CAPSL: variants seen among roughly 807,000 people sequenced by gnomAD.
CAPSL encodes the protein calcyphosin-like protein.
CAPSL carries 17 observed loss-of-function variants against 21.3 expected under a neutral mutation model. The ratio of observed to expected loss-of-function variants is 0.80; its 90% CI spans 0.55 to 1.20. The LOEUF (loss-of-function observed/expected upper bound fraction) is 1.20, where lower values mean the gene tolerates loss of function less well. Among genes scored for constraint, CAPSL ranks in the 50% most tolerant of loss-of-function variants. CAPSL has a pLI of 0.00. For synonymous variants in CAPSL, 102 were observed against 89.3 expected (o/e 1.14, Z -0.80); for missense variants, 289 against 259.3 (o/e 1.11, Z -0.79).
rs749347216 is a variant in CAPSL at position 35,909,987 on chromosome 5, T to C, written c.404A>G (p.Asp135Gly). The part of the protein sequence containing the change: ...KTGDGVITIE[D>G]LREVYNAKHH... The stretch of plus-strand genomic sequence containing the variant: ...TTTTGCATTATATACTTCACGAAGG[T>C]CTTCGATTGTTATAACACCATCTCC... Residue 135 changes from aspartate (D) to glycine (G), a missense_variant, in exon 4 of 5, where the codon GAC becomes GGC. Coordinates refer to ENST00000651391, the MANE Select transcript of CAPSL (RefSeq NM_001042625.2). 14 of 1,613,744 alleles carry C rather than the reference T, an allele frequency of 8.7e-6. No homozygotes were observed. Among genetic ancestry groups the C allele is most frequent in the Admixed American group, 6.7e-5 (4 of 59,970 alleles).
At chr5:35,912,595 A>T (rs1738259760) in intron 2 of CAPSL, among the ~76,000 whole-genome samples, 1 of 152,204 alleles carries the variant, frequency 6.6e-6, no homozygotes, top group African/African-American at 2.4e-5. Flanking sequence ...TACCCAGGCA[A>T]ACAGGGTCTG....
chr5:35,936,240 T>C (rs1580900336), intron 1 of CAPSL, among the ~76,000 whole-genome samples: 1 of 151,982 alleles, frequency 6.6e-6, no homozygotes, highest in South Asian at 2.1e-4. Context: ...CTCCAAGAGA[T>C]TGCTGAACTT....
chr5:35,937,333 C>T (rs1480678816), intron 1 of CAPSL, among the ~76,000 whole-genome samples: 1 of 152,206 alleles, frequency 6.6e-6, no homozygotes, highest in Admixed American at 6.5e-5. Context: ...CATGCATTGG[C>T]CTTTCCTATG....
At chr5:35,937,328 A>G (rs1424395510) in intron 1 of CAPSL, among the ~76,000 whole-genome samples, 2 of 152,242 alleles carry the variant, frequency 1.3e-5, no homozygotes, top group African/African-American at 2.4e-5. Context: ...GAATTCATGC[A>G]TTGGCCTTTC....
At chr5:35,905,287 C>A (rs1413483607) in intron 4 of CAPSL, among the ~76,000 whole-genome samples, 1 of 152,144 alleles carries the variant, frequency 6.6e-6, no homozygotes, top group Admixed American at 6.5e-5. Flanking sequence ...TTTTATATTA[C>A]TTTCCTTTGG....
chr5:35,921,164 G>A (rs3734107), intron 1 of CAPSL, 44 bp from the exon 2 acceptor site: 643,749 of 1,591,884 alleles, frequency 0.4, 135,189 homozygotes, highest in African/African-American at 0.46. Context: ...AGGCCTCGCC[G>A]CTGCCTCTGG....
intron 2 of CAPSL, among the ~76,000 whole-genome samples, chr5:35,918,540 AC>A (rs775157566): frequency 1.2e-4 from 19 of 152,296 alleles, no homozygotes; most frequent in Non-Finnish European, 2.5e-4. Flanking sequence ...GCAGCAAACC[AC>A]CATGGCACAT....
intron 4 of CAPSL, among the ~76,000 whole-genome samples, chr5:35,907,721 A>T (rs538138175): frequency 6.6e-6 from 1 of 152,312 alleles, no homozygotes; most frequent in East Asian, 1.9e-4. Context: ...GAGCTATGCT[A>T]AATTTTTTGC....
chr5:35,911,579 C>T (rs1489732653), intron 2 of CAPSL, among the ~76,000 whole-genome samples: 2 of 152,070 alleles, frequency 1.3e-5, no homozygotes, highest in African/African-American at 4.8e-5. Context: ...CAACAGGATC[C>T]TAAGGAAACA....
At chr5:35,918,356 GA>G (rs1249552953) in intron 2 of CAPSL, among the ~76,000 whole-genome samples, 1 of 152,142 alleles carries the variant, frequency 6.6e-6, no homozygotes. Flanking sequence ...AGTAACACAG[GA>G]ACAGAAAACT....
chr5:35,912,467 G>A (rs1465520646), intron 2 of CAPSL, among the ~76,000 whole-genome samples: 1 of 152,128 alleles, frequency 6.6e-6, no homozygotes, highest in Non-Finnish European at 1.5e-5. Context: ...CCCCAGTAGG[G>A]GCAGACTGAC....
At chr5:35,905,231 G>A (rs564133257) in intron 4 of CAPSL, among the ~76,000 whole-genome samples, 7 of 152,286 alleles carry the variant, frequency 4.6e-5, no homozygotes, top group South Asian at 2.1e-4. Flanking sequence ...CTACACCCAT[G>A]ACCATCTCTT....
chr5:35,923,698 G>T (rs1463905080), intron 1 of CAPSL, among the ~76,000 whole-genome samples: 1 of 145,924 alleles, frequency 6.9e-6, no homozygotes, highest in African/African-American at 2.5e-5. Context: ...TTCAGAATAG[G>T]CAAATTCATA....
At chr5:35,905,130 T>C (rs1760647758) in intron 4 of CAPSL, among the ~76,000 whole-genome samples, 1 of 152,178 alleles carries the variant, frequency 6.6e-6, no homozygotes, top group African/African-American at 2.4e-5. Flanking sequence ...TGCATGCTTT[T>C]CTAACACATA....
At chr5:35,931,311 T>C (rs889769105) in intron 1 of CAPSL, among the ~76,000 whole-genome samples, 1 of 152,112 alleles carries the variant, frequency 6.6e-6, no homozygotes, top group Non-Finnish European at 1.5e-5. Context: ...GTCACTCTAT[T>C]ATAACCTCTT....
In CAPSL at chr5:35,921,030, G is replaced by C. The variant is rs749954681; in HGVS notation, c.91C>G (p.Leu31Val). The C allele has an allele frequency of 1.9e-6, 3 of 1,614,142 alleles. No homozygotes were observed. The highest frequency in any genetic ancestry group is 1.7e-6 in the Non-Finnish European group (2 of 1,180,020). ...TATDPIERLR[L>V]QCLARGSAGI... Reference sequence around the variant, plus strand: ...GCAGAGCCCCTGGCCAGGCACTGCAGTCGGAGTCTTTCAATGGGGTCGGTG... The same window carrying C: ...GCAGAGCCCCTGGCCAGGCACTGCACTCGGAGTCTTTCAATGGGGTCGGTG... Residue 31 changes from leucine (L) to valine (V), a missense_variant, in exon 2 of 5, where the codon CTG becomes GTG. Leu to Val is a conservative substitution (Grantham distance 32). Coordinates refer to ENST00000651391, the MANE Select transcript of CAPSL (RefSeq NM_001042625.2).
At chr5:35,934,154 A>T (rs886569603) in intron 1 of CAPSL, among the ~76,000 whole-genome samples, 1 of 152,194 alleles carries the variant, frequency 6.6e-6, no homozygotes, top group Admixed American at 6.5e-5. Context: ...TGTTACAAGG[A>T]AAATTCTTAT....
chr5:35,924,612 T>G (rs1469169654), intron 1 of CAPSL, among the ~76,000 whole-genome samples: 1 of 152,168 alleles, frequency 6.6e-6, no homozygotes, highest in Non-Finnish European at 1.5e-5. Flanking sequence ...GAAATGCCCA[T>G]AGTAAGCATC....
At chr5:35,938,358 C>T (rs1252013707) in intron 1 of CAPSL, among the ~76,000 whole-genome samples, 183 bp downstream of exon 1, 10 of 152,028 alleles carry the variant, frequency 6.6e-5, no homozygotes, top group Admixed American at 6.6e-4. Context: ...AAATCTTTCC[C>T]AGTACCAAGC....
Sources: allele counts gnomAD v4.1 joint callset (sites outside exome capture counted in the v4.1 genomes callset), GRCh38; gene constraint gnomAD v4.1.1; transcripts MANE v1.5; gene names NCBI Gene and HGNC (gene_info 2026-07-23, HGNC 2026-07-21).